The following BTBD9 variants were observed in gnomAD, a reference collection of about 807,000 sequenced individuals.
BTBD9 encodes the protein BTB domain containing 9.
BTBD9 carries 49 observed loss-of-function variants against 64.3 expected under a neutral mutation model. That is an observed-to-expected ratio of 0.76 (90% CI 0.61 to 0.97). The LOEUF (loss-of-function observed/expected upper bound fraction) is 0.97. Ranked by LOEUF, BTBD9 falls within the 50% of genes least tolerant of loss-of-function variation. The pLI is 0.00. For synonymous variants in BTBD9, 260 were observed against 274.7 expected, an observed-to-expected ratio of 0.95 and a Z score of 0.53; for missense variants, 598 against 762.1, an observed-to-expected ratio of 0.78 and a Z score of 2.53.
At chr6:38,486,568 C>T (rs1771435570) in intron 6 of BTBD9, among the ~76,000 whole-genome samples, 1 of 152,166 alleles carries the variant, frequency 6.6e-6, no homozygotes, top group African/African-American at 2.4e-5. Flanking sequence ...GATGGGGGAA[C>T]AACCAGTCAG....
intron 6 of BTBD9, among the ~76,000 whole-genome samples, chr6:38,369,121 T>G (rs1765313293): frequency 6.6e-6 from 1 of 152,176 alleles, no homozygotes; most frequent in African/African-American, 2.4e-5. Context: ...CTGTCTTAAC[T>G]TAATATTTCT....
intron 8 of BTBD9, among the ~76,000 whole-genome samples, chr6:38,286,865 T>G (rs1761746411): frequency 6.6e-6 from 1 of 151,838 alleles, no homozygotes; most frequent in Non-Finnish European, 1.5e-5. Context: ...GCTGATCACT[T>G]GAGGTCAGGA....
chr6:38,229,249 A>C (rs535588401), intron 9 of BTBD9, among the ~76,000 whole-genome samples: 1 of 152,226 alleles, frequency 6.6e-6, no homozygotes, highest in South Asian at 2.1e-4. Context: ...TAGGTACTTC[A>C]TCTGATACAC....
At chr6:38,553,976 T>C (rs1225107059) in intron 6 of BTBD9, among the ~76,000 whole-genome samples, 2 of 152,174 alleles carry the variant, frequency 1.3e-5, no homozygotes, top group Non-Finnish European at 2.9e-5. Flanking sequence ...AAACACACTA[T>C]TTACTAGTTT....
intron 6 of BTBD9, among the ~76,000 whole-genome samples, chr6:38,478,636 G>A (rs1370023236): frequency 1.3e-5 from 2 of 152,220 alleles, no homozygotes; most frequent in Non-Finnish European, 2.9e-5. Context: ...GGGAAGATAA[G>A]TGGGTTCTTG....
In BTBD9 at chr6:38,512,810, T is replaced by C. The variant is rs989496326; in HGVS notation, c.1154+64790A>G. Among the ~76,000 whole-genome samples the C allele has an allele frequency of 3.9e-5, 6 of 152,252 alleles. 1 individual carries two copies. On this transcript the variant is annotated intron_variant, in intron 6 of 10. Transcript: ENST00000481247. ...TTTATATAAATACGTTTAGCTATTATATTGATAGAATTTTGTAGTTGAGAT... is the reference window on the plus strand; with the variant it reads ...TTTATATAAATACGTTTAGCTATTACATTGATAGAATTTTGTAGTTGAGAT...
At chr6:38,565,204 C>A (rs1775439120) in intron 6 of BTBD9, among the ~76,000 whole-genome samples, 1 of 152,200 alleles carries the variant, frequency 6.6e-6, no homozygotes, top group Non-Finnish European at 1.5e-5. Flanking sequence ...AACCCCCCTT[C>A]ACTAATCACA....
At chr6:38,276,197 T>A (rs1458385272) in intron 8 of BTBD9, among the ~76,000 whole-genome samples, 1 of 152,066 alleles carries the variant, frequency 6.6e-6, no homozygotes, top group African/African-American at 2.4e-5. Context: ...ATGTCCTTTG[T>A]AGGGACATGG....
At chr6:38,422,521 T>G (rs1767950790) in intron 6 of BTBD9, among the ~76,000 whole-genome samples, 1 of 152,198 alleles carries the variant, frequency 6.6e-6, no homozygotes, top group Non-Finnish European at 1.5e-5. Context: ...TAAGGGGCAC[T>G]GGATAATATT....
chr6:38,564,398 T>A (rs1422910424), intron 6 of BTBD9, among the ~76,000 whole-genome samples: 1 of 152,074 alleles, frequency 6.6e-6, no homozygotes, highest in African/African-American at 2.4e-5. Context: ...GAGGAAAAAA[T>A]ACTTTTATTT....
chr6:38,474,246 G>T (rs1770780284), intron 6 of BTBD9, among the ~76,000 whole-genome samples: 1 of 152,168 alleles, frequency 6.6e-6, no homozygotes, highest in South Asian at 2.1e-4. Context: ...AGCTGAGGCT[G>T]GGCGTGGTAG....
chr6:38,484,199 T>A (rs771839911), intron 6 of BTBD9, among the ~76,000 whole-genome samples: 7 of 152,212 alleles, frequency 4.6e-5, no homozygotes, highest in Non-Finnish European at 1.0e-4. Flanking sequence ...TAATAACTAG[T>A]GCACAGGGAA....
chr6:38,599,186 C>T (rs1439299544), intron 1 of BTBD9, among the ~76,000 whole-genome samples: 1 of 152,110 alleles, frequency 6.6e-6, no homozygotes, highest in Non-Finnish European at 1.5e-5. Flanking sequence ...AACTGAAAAT[C>T]AAAGGGCTAA....
chr6:38,366,301 T>C (rs546561068), intron 6 of BTBD9, among the ~76,000 whole-genome samples: 1 of 152,312 alleles, frequency 6.6e-6, no homozygotes, highest in South Asian at 2.1e-4. Context: ...AAGTGTCCCC[T>C]TAGAATGACA....
At chr6:38,402,927 C>T (rs769442701) in intron 6 of BTBD9, 4 of 679,768 alleles carry the variant, frequency 5.9e-6, no homozygotes, top group Non-Finnish European at 8.0e-6. Context: ...AAAAAATTAG[C>T]TGGACTTTGG....
chr6:38,412,523 T>C (rs1176836646), intron 6 of BTBD9, among the ~76,000 whole-genome samples: 2 of 149,932 alleles, frequency 1.3e-5, no homozygotes, highest in Admixed American at 6.7e-5. Flanking sequence ...TATGTAACAG[T>C]GTACAAAGGA....
At chr6:38,388,564 A>G (rs897619649) in intron 6 of BTBD9, among the ~76,000 whole-genome samples, 2 of 152,228 alleles carry the variant, frequency 1.3e-5, no homozygotes, top group African/African-American at 2.4e-5. Context: ...AGATTTTCCT[A>G]TCTCCTCACT....
chr6:38,361,881 C>A (rs193119491), intron 6 of BTBD9, among the ~76,000 whole-genome samples: 3,784 of 144,234 alleles, frequency 0.026, 164 homozygotes, highest in African/African-American at 0.089. Context: ...AAAAAAAAAA[C>A]AAAAACAACT....
chr6:38,470,711 C>T (rs946556842), intron 6 of BTBD9, among the ~76,000 whole-genome samples: 6 of 152,350 alleles, frequency 3.9e-5, no homozygotes, highest in African/African-American at 1.4e-4. Flanking sequence ...TGCAGAGCAG[C>T]TGATGATGGC....
Sources: allele counts gnomAD v4.1 joint callset (sites outside exome capture counted in the v4.1 genomes callset), GRCh38; gene constraint gnomAD v4.1.1; transcripts MANE v1.5; gene names NCBI Gene and HGNC (gene_info 2026-07-23, HGNC 2026-07-21).